LINGO2: variants seen among roughly 807,000 people sequenced by gnomAD.
LINGO2 encodes the protein leucine-rich repeat and immunoglobulin-like domain-containing nogo receptor-interacting protein 2.
Under a neutral mutation model 30.6 loss-of-function variants are expected in LINGO2, and 14 were observed. The ratio of observed to expected loss-of-function variants is 0.46; its 90% CI spans 0.30 to 0.72. The LOEUF (loss-of-function observed/expected upper bound fraction) is 0.72, where lower values mean the gene tolerates loss of function less well. LINGO2 is among the 30% of genes least tolerant of loss of function. The pLI, the probability that LINGO2 is intolerant of heterozygous loss-of-function variation, is 0.07. For missense variants in LINGO2, 729 were observed against 751.7 expected, an observed-to-expected ratio of 0.97 and a Z score of 0.35; for synonymous variants, 317 against 288.5, an observed-to-expected ratio of 1.10 and a Z score of -1.00.
At chr9:28,989,254 C>G in the LINGO2 span, among the ~76,000 whole-genome samples, 1 of 152,088 alleles carries the variant, frequency 6.6e-6, no homozygotes, top group Non-Finnish European at 1.5e-5. Flanking sequence ...TAGATGACTT[C>G]TAATTAAACT....
intron 1 of LINGO2, among the ~76,000 whole-genome samples, chr9:28,486,732 C>G (rs993952216): frequency 7.2e-5 from 11 of 151,890 alleles, no homozygotes; most frequent in African/African-American, 2.7e-4. Context: ...CTTGGGTTGA[C>G]CCTCCTTCAA....
chr9:28,725,471 C>A, the LINGO2 span, among the ~76,000 whole-genome samples: 852 of 149,506 alleles, frequency 5.7e-3, 7 homozygotes, highest in African/African-American at 0.019. Context: ...TTCTTATTCA[C>A]GAATAAAAGA....
At chr9:29,089,513 T>C in the LINGO2 span, among the ~76,000 whole-genome samples, 122 of 152,168 alleles carry the variant, frequency 8.0e-4, no homozygotes, top group South Asian at 9.5e-3. Flanking sequence ...TCTAATATGA[T>C]AGGACATTTT....
At chr9:28,157,320 G>T (rs1190226589) in intron 4 of LINGO2, among the ~76,000 whole-genome samples, 1 of 152,206 alleles carries the variant, frequency 6.6e-6, no homozygotes, top group Non-Finnish European at 1.5e-5. Context: ...TGAAGCCATG[G>T]TCCAAGCTCT....
intron 4 of LINGO2, among the ~76,000 whole-genome samples, chr9:28,232,725 A>AT (rs1821402203): frequency 1.3e-5 from 2 of 151,724 alleles, no homozygotes; most frequent in Admixed American, 1.3e-4. Context: ...CATCCTGTTT[A>AT]ATTGAAACTT....
At chr9:28,705,153 G>A in the LINGO2 span, among the ~76,000 whole-genome samples, 1 of 151,944 alleles carries the variant, frequency 6.6e-6, no homozygotes, top group Admixed American at 6.6e-5. Flanking sequence ...TTGAGCTCAA[G>A]CAATCCACCC....
chr9:28,128,136 C>T (rs1486354593), intron 4 of LINGO2, among the ~76,000 whole-genome samples: 1 of 152,154 alleles, frequency 6.6e-6, no homozygotes. Flanking sequence ...AAAATATACC[C>T]ATAGAGATCA....
intron 5 of LINGO2, among the ~76,000 whole-genome samples, chr9:27,963,998 A>T (rs1039670341): frequency 6.6e-6 from 1 of 152,134 alleles, no homozygotes; most frequent in Non-Finnish European, 1.5e-5. Flanking sequence ...TGAAGCCCAA[A>T]GTCCCAGACC....
intron 4 of LINGO2, among the ~76,000 whole-genome samples, chr9:28,227,755 A>G (rs1368556924): frequency 6.6e-6 from 1 of 152,058 alleles, no homozygotes; most frequent in East Asian, 1.9e-4. Flanking sequence ...TTTGGTTACT[A>G]TCCTTTTGGG....
the LINGO2 span, among the ~76,000 whole-genome samples, chr9:29,158,795 AGAGC>A: frequency 6.6e-6 from 1 of 152,112 alleles, no homozygotes; most frequent in South Asian, 2.1e-4. Context: ...AGAGAAAGAG[AGAGC>A]AAGAGAGAGA....
At chr9:28,218,952 G>A (rs144762100) in intron 4 of LINGO2, among the ~76,000 whole-genome samples, 1 of 152,138 alleles carries the variant, frequency 6.6e-6, no homozygotes, top group African/African-American at 2.4e-5. Context: ...ACTATAATTT[G>A]CACGTTAGCT....
At chr9:28,082,016 A>G (rs1036993475) in intron 4 of LINGO2, among the ~76,000 whole-genome samples, 4 of 152,132 alleles carry the variant, frequency 2.6e-5, no homozygotes, top group African/African-American at 7.2e-5. Context: ...CTGATTACAC[A>G]TGGGACTTCT....
chr9:28,985,587 T>C, the LINGO2 span, among the ~76,000 whole-genome samples: 1 of 152,082 alleles, frequency 6.6e-6, no homozygotes, highest in East Asian at 1.9e-4. Flanking sequence ...TCATTTTGCT[T>C]TGAACTTAAA....
the LINGO2 span, among the ~76,000 whole-genome samples, chr9:28,920,415 T>A: frequency 6.6e-6 from 1 of 152,240 alleles, no homozygotes; most frequent in South Asian, 2.1e-4. Context: ...GTATCCTTTG[T>A]TCACAAAAAG....
the LINGO2 span, among the ~76,000 whole-genome samples, chr9:29,025,844 A>G: frequency 2.0e-5 from 3 of 151,734 alleles, no homozygotes; most frequent in African/African-American, 7.3e-5. Context: ...ACACCATTCT[A>G]TGTGATTAAC....
chr9:28,705,557 T>C, the LINGO2 span, among the ~76,000 whole-genome samples: 1 of 152,096 alleles, frequency 6.6e-6, no homozygotes, highest in Non-Finnish European at 1.5e-5. Flanking sequence ...CCCATGCTCA[T>C]AAGAACAGAA....
the LINGO2 span, among the ~76,000 whole-genome samples, chr9:29,142,908 C>T: frequency 0.24 from 36,203 of 151,812 alleles, 4,497 homozygotes; most frequent in East Asian, 0.44. Flanking sequence ...CTAAAGATTA[C>T]ATACACACAC....
intron 3 of LINGO2, among the ~76,000 whole-genome samples, chr9:28,320,806 A>G (rs1223006853): frequency 6.6e-6 from 1 of 152,150 alleles, no homozygotes; most frequent in Non-Finnish European, 1.5e-5. Context: ...ACTCCCTCAG[A>G]CATCTGTTCC....
chr9:28,296,261 A>C (rs911292212), intron 3 of LINGO2, among the ~76,000 whole-genome samples: 3 of 152,234 alleles, frequency 2.0e-5, no homozygotes, highest in Non-Finnish European at 4.4e-5. Flanking sequence ...GATCAGGATG[A>C]TATTAATGAA....
Sources: gnomAD v4.1 joint callset for allele counts (sites outside exome capture counted in the v4.1 genomes callset) on GRCh38, gnomAD v4.1.1 for gene constraint, MANE v1.5 for transcripts, NCBI Gene and HGNC (gene_info 2026-07-23, HGNC 2026-07-21) for gene names.